Variants in MPND observed in about 807,000 individuals in gnomAD.
MPND encodes the protein MPN domain containing.
In MPND, 56 loss-of-function variants were observed where a neutral mutation model predicts 59.2. The observed-to-expected ratio is 0.95, with a 90% CI of 0.76 to 1.18. MPND has a LOEUF of 1.18. MPND is among the 50% of genes most tolerant of loss of function. The pLI is 0.00. For missense variants in MPND, 671 were observed against 676.0 expected, an observed-to-expected ratio of 0.99 and a Z score of 0.08; for synonymous variants, 323 against 291.9, an observed-to-expected ratio of 1.11 and a Z score of -1.09.
intron 3 of MPND, among the ~76,000 whole-genome samples, chr19:4,350,991 G>T (rs377641547): frequency 6.6e-6 from 1 of 152,152 alleles, no homozygotes; most frequent in Non-Finnish European, 1.5e-5. Flanking sequence ...GTAGGTAGGA[G>T]GCTGTGCTGG....
intron 3 of MPND, among the ~76,000 whole-genome samples, chr19:4,351,664 C>T (rs975620979): frequency 2.7e-5 from 4 of 149,790 alleles, no homozygotes; most frequent in East Asian, 2.0e-4. Context: ...CGATCGAGAC[C>T]ATCCTGGCTA....
chr19:4,359,315 C>T (rs974892939), intron 12 of MPND, 60 bp downstream of exon 12: 3 of 1,307,524 alleles, frequency 2.3e-6, no homozygotes, highest in South Asian at 1.2e-5. Context: ...CCCTGGGCAG[C>T]CTAAAAGGTG....
Position 4,352,995 on chromosome 19 carries a change from A to G in MPND, c.630A>G (p.Pro210=). ...CAGCAGAGGACAAGAGTCGGAGACC[A>G]CTGGGGAAGAGCCCTTCAGAGCCTG... ...GVSAEDKSRR[P]LGKSPSEPAH... The change falls in exon 4 of 13, where the codon CCA becomes CCG. Residue 210 remains proline (P), a synonymous_variant. Coordinates refer to ENST00000599840, the MANE Select transcript of MPND (RefSeq NM_001300862.2). 7.3e-7 allele frequency: 1 copy of G among 1,364,070 alleles called. No homozygotes were observed. 84.5% of individuals were successfully genotyped at this position (1,364,070 alleles called of 1,614,324 possible). A position where few individuals can be genotyped will look rare whatever the true frequency, so the allele number is the denominator to read the frequency against.
In MPND at chr19:4,345,841, T is replaced by G. The variant is rs765777952; in HGVS notation, c.391T>G (p.Cys131Gly). The change falls in exon 3 of 13, where the codon TGC (cysteine) becomes GGC (glycine). Residue 131 changes from cysteine to glycine, a missense_variant. Transcript: ENST00000599840. ...FNSPSAWATH[C>G]KKLVNPAKKS... ...CTCACCCAGCGCCTGGGCCACCCAC[T>G]GCAAGAAGCTGGTGAACCCTGCCAA... The G allele has an allele frequency of 6.2e-7, 1 of 1,614,060 alleles. No homozygotes were observed. Among genetic ancestry groups the G allele is most frequent in the Non-Finnish European group, 8.5e-7 (1 of 1,180,030 alleles).
At chr19:4,345,106 A>C (rs1017179629) in intron 2 of MPND, among the ~76,000 whole-genome samples, 66 of 97,788 alleles carry the variant, frequency 6.7e-4, no homozygotes, top group African/African-American at 2.7e-3. Flanking sequence ...GGAATGCAGT[A>C]GCATGATCTC....
At position 4,359,981 on chromosome 19, in the gene MPND, C is replaced by CG. The variant is rs1568402682; in HGVS notation, c.1486dup (p.Val496GlyfsTer19). ...GTCACGTCCTGGAACAGGTGTGCGG[C>CG]GTCCTCAAGCAGGGGAGCTGAGCCT... is the stretch of plus-strand genomic sequence containing the variant. On this transcript the variant is annotated frameshift_variant, in exon 13 of 13. Coordinates refer to ENST00000599840, the MANE Select transcript of MPND (RefSeq NM_001300862.2). LOFTEE classifies it high-confidence loss of function. The CG allele has an allele frequency of 6.4e-7, 1 of 1,566,910 alleles. No homozygotes were observed. The highest frequency in any genetic ancestry group is 1.2e-5 in the South Asian group (1 of 85,166).
intron 3 of MPND, among the ~76,000 whole-genome samples, chr19:4,351,732 C>G (rs1276973984): frequency 6.6e-6 from 1 of 151,776 alleles, no homozygotes; most frequent in Non-Finnish European, 1.5e-5. Context: ...CGTGGTGGCA[C>G]ATGCCTATAA....
intron 2 of MPND, among the ~76,000 whole-genome samples, chr19:4,345,168 T>C (rs959882669): frequency 4.7e-5 from 7 of 148,528 alleles, no homozygotes; most frequent in African/African-American, 1.7e-4. Flanking sequence ...TGCCTTAGCC[T>C]CTTGAGTAGC....
Position 4,359,248 on chromosome 19 carries a change from A to G in MPND, c.1412A>G (p.Lys471Arg). The change falls in exon 12 of 13, where the codon AAG becomes AGG. Residue 471 changes from lysine (K) to arginine (R), a missense_variant. Coordinates refer to ENST00000599840, the MANE Select transcript of MPND (RefSeq NM_001300862.2). ...AGCCAGGAGCACACCTACCTCGACA[A>G]GCTTAAGGTGAGCCCCAAGTCCCCG... The part of the protein sequence containing the change: ...PWSQEHTYLD[K>R]LKISLASRTP... 1 of 1,612,586 alleles carries G rather than the reference A, an allele frequency of 6.2e-7. No homozygotes were observed. The highest frequency in any genetic ancestry group is 8.5e-7 in the Non-Finnish European group (1 of 1,179,314).
At position 4,348,135 on chromosome 19, in the gene MPND, G is replaced by A. The variant is rs944335711; in HGVS notation, c.531+2154G>A. 4.7e-5 allele frequency: 7 copies of A among 150,268 alleles called. No individual in the cohort carries two copies. In the South Asian group the frequency reaches 8.4e-4, roughly 18 times the overall value. 9.3% of individuals were successfully genotyped at this position (150,268 alleles called of 1,614,324 possible). A position where few individuals can be genotyped will look rare whatever the true frequency, so the allele number is the denominator to read the frequency against. The stretch of plus-strand genomic sequence containing the variant: ...TCGAACTCCTGACATCAGGTGATCC[G>A]CCCGCCTCCGCCTCCCAAAATGCTG... On this transcript the variant is annotated intron_variant, in intron 3 of 12. Coordinates refer to ENST00000599840, the MANE Select transcript of MPND (RefSeq NM_001300862.2).
chr19:4,350,076 A>G (rs1219081697), intron 3 of MPND, among the ~76,000 whole-genome samples: 1 of 145,952 alleles, frequency 6.9e-6, no homozygotes, highest in Non-Finnish European at 1.5e-5. Flanking sequence ...GTGGGGGAAG[A>G]AGGTGGTTGG....
At position 4,359,925 on chromosome 19, in the gene MPND, GC is replaced by G; in HGVS notation, c.1431del (p.Ser478AlafsTer?). The G allele has an allele frequency of 6.4e-7, 1 of 1,569,286 alleles. No individual in the cohort carries two copies. Among genetic ancestry groups the G allele is most frequent in the Non-Finnish European group, 8.6e-7 (1 of 1,156,828 alleles). On this transcript the variant is annotated frameshift_variant, in exon 13 of 13. Coordinates refer to ENST00000599840, the MANE Select transcript of MPND (RefSeq NM_001300862.2). LOFTEE classifies it high-confidence loss of function. The part of the protein sequence containing the change: ...TYLDKLKISL[A>X]SRTPKDQSLC... ...AGCCCCCTCGTTTCAGATCTCCTTG[GC>G]CAGCAGGACGCCCAAGGACCAGAGC...
intron 11 of MPND, 88 bp downstream of exon 11, chr19:4,358,260 G>A (rs1972490259): frequency 1.7e-6 from 2 of 1,208,324 alleles, no homozygotes; most frequent in African/African-American, 3.0e-5. Context: ...CGGTGGGCTT[G>A]GGAAGCTATG....
At chr19:4,345,109 A>G (rs963520931) in intron 2 of MPND, among the ~76,000 whole-genome samples, 187 of 113,358 alleles carry the variant, frequency 1.6e-3, no homozygotes, top group Middle Eastern at 9.8e-3. Flanking sequence ...ATGCAGTAGC[A>G]TGATCTCGGC....
At chr19:4,356,204 C>T (rs1028063382) in intron 8 of MPND, among the ~76,000 whole-genome samples, 1 of 152,032 alleles carries the variant, frequency 6.6e-6, no homozygotes, top group Non-Finnish European at 1.5e-5. Flanking sequence ...CTCGCCAGCC[C>T]CCTCCCCTCT....
intron 8 of MPND, chr19:4,356,626 A>G (rs1343347829): frequency 6.8e-6 from 1 of 147,734 alleles, no homozygotes; most frequent in African/African-American, 2.5e-5. Context: ...CATAAGTGCC[A>G]GTTGCTATTC....
rs778953191 is a variant in MPND, at chr19:4,345,734, T to C, written c.295-11T>C. On this transcript the variant is annotated splice_polypyrimidine_tract_variant and intron_variant, in intron 2 of 12. Coordinates refer to ENST00000599840, the MANE Select transcript of MPND (RefSeq NM_001300862.2). ...TTGGTCCTGGGCCCAGCCAGCTGAC[T>C]GTCACTGCAGGGGAAGAAGTTCCTG... 4 of 1,613,460 alleles carry C rather than the reference T, an allele frequency of 2.5e-6. No homozygotes were observed. The highest frequency in any genetic ancestry group is 2.2e-5 in the South Asian group (2 of 91,070).
At position 4,359,818 on chromosome 19, in the gene MPND, G is replaced by C. The variant is rs78984910; in HGVS notation, c.1420-98G>C. The C allele has an allele frequency of 7.8e-3, 7,270 of 937,046 alleles. 255 individuals carry two copies. The highest frequency in any genetic ancestry group is 0.073 in the East Asian group (2,706 of 36,852). The allele number at this position is 937,046 out of a possible 1,614,324, so 58.0% of individuals were successfully genotyped here. Reference sequence around the variant, plus strand: ...CCAGCCCTGTGCCTCGGTCTCAGGGGGGCTCAGTCAGGATGCTGGACTTGC... The same window carrying C: ...CCAGCCCTGTGCCTCGGTCTCAGGGCGGCTCAGTCAGGATGCTGGACTTGC... On this transcript the variant is annotated intron_variant, in intron 12 of 12. Transcript: ENST00000599840.
rs764227601 is a variant in MPND at position 4,349,840 on chromosome 19, A to G, written c.532-3057A>G. Among the ~76,000 whole-genome samples, 189 of 152,278 alleles carry G rather than the reference A, an allele frequency of 1.2e-3. 1 individual carries two copies. In the Middle Eastern group the frequency reaches 0.031, roughly 25 times the overall value. Reference sequence around the variant, plus strand: ...AAGAGCAATGTCCTTTCTGAAAGTCACCTTACTGTAGATATGAATCACATG... The same window carrying G: ...AAGAGCAATGTCCTTTCTGAAAGTCGCCTTACTGTAGATATGAATCACATG... On this transcript the variant is annotated intron_variant, in intron 3 of 12. Transcript: ENST00000599840.
Sources: allele counts gnomAD v4.1 joint callset (sites outside exome capture counted in the v4.1 genomes callset), GRCh38; gene constraint gnomAD v4.1.1; transcripts MANE v1.5; gene names NCBI Gene and HGNC (gene_info 2026-07-23, HGNC 2026-07-21).